PCDHGA1: variants seen among roughly 807,000 people sequenced by gnomAD.
PCDHGA1 encodes the protein protocadherin gamma-A1.
A neutral mutation model predicts 58.0 loss-of-function variants in PCDHGA1; 32 were observed. The ratio of observed to expected loss-of-function variants is 0.55; its 90% confidence interval spans 0.42 to 0.74. The LOEUF is 0.74. PCDHGA1 is among the 30% of genes least tolerant of loss of function. PCDHGA1 has a pLI of 0.00. For missense variants in PCDHGA1, 1,205 were observed against 1,182.3 expected (o/e 1.02, Z -0.28); for synonymous variants, 498 against 501.1 (o/e 0.99, Z 0.08).
intron 1 of PCDHGA1, chr5:141,399,936 C>A (rs1370105984): frequency 6.2e-7 from 1 of 1,612,268 alleles, no homozygotes; most frequent in African/African-American, 1.3e-5. Flanking sequence ...TGTCCTACCA[C>A]GTGCTGCAGG....
At chr5:141,427,259 G>A (rs1365845158) in intron 1 of PCDHGA1, 1 of 456,756 alleles carries the variant, frequency 2.2e-6, no homozygotes, top group Non-Finnish European at 4.4e-6. Flanking sequence ...GTGGAGGCAT[G>A]ACCAGCGAAT....
Position 141,475,143 on chromosome 5 carries a change from T to TC in PCDHGA1, c.2422-19662dup, listed in dbSNP as rs372338581. On this transcript the variant is annotated intron_variant, in intron 1 of 3. Transcript: ENST00000517417. ...GGCTTTTTTTCTTTTTGAAATCTTC[T>TC]CCGTCTTCTTCTTCATTAGCAGTGC... Among the ~76,000 whole-genome samples the TC allele has an allele frequency of 4.9e-3, 751 of 152,356 alleles. 5 individuals carry two copies. Among genetic ancestry groups the TC allele is most frequent in the Non-Finnish European group, 6.5e-3 (439 of 68,034 alleles).
intron 3 of PCDHGA1, among the ~76,000 whole-genome samples, chr5:141,506,598 G>A (rs1056005258): frequency 6.6e-6 from 1 of 152,130 alleles, no homozygotes; most frequent in Non-Finnish European, 1.5e-5. Context: ...CAGTATTAAC[G>A]GATCTCATTG....
At chr5:141,375,949 C>T (rs759212599) in intron 1 of PCDHGA1, 36 of 1,613,450 alleles carry the variant, frequency 2.2e-5, no homozygotes, top group African/African-American at 2.7e-5. Flanking sequence ...TGGGCCTGCA[C>T]ACGGGCGAGG....
intron 1 of PCDHGA1, among the ~76,000 whole-genome samples, chr5:141,434,479 A>C (rs2097696849): frequency 6.6e-6 from 1 of 152,202 alleles, no homozygotes; most frequent in African/African-American, 2.4e-5. Flanking sequence ...AGGGCAAGGA[A>C]CACCTGGCCC....
rs1485520054 is a variant in PCDHGA1 at position 141,511,210 on chromosome 5, C to T, written c.*37C>T. 6.2e-7 allele frequency: 1 copy of T among 1,609,328 alleles called. No individual in the cohort carries two copies. The highest frequency in any genetic ancestry group is 1.3e-5 in the African/African-American group (1 of 74,896). ...GGCCAAGAGCCACAGGGCGGCCTCT[C>T]CCCAACCAGCCCAGCTTCTCCTTAC... On this transcript the variant is annotated 3_prime_UTR_variant, in exon 4 of 4. Transcript: ENST00000517417.
At chr5:141,343,528 CTG>C (rs1757295207) in intron 1 of PCDHGA1, among the ~76,000 whole-genome samples, 1 of 152,184 alleles carries the variant, frequency 6.6e-6, no homozygotes, top group South Asian at 2.1e-4. Context: ...TTCTTTGTTA[CTG>C]TGTGTTTCTT....
chr5:141,366,267 T>A (rs201030376), intron 1 of PCDHGA1: 49 of 1,613,514 alleles, frequency 3.0e-5, no homozygotes, highest in Non-Finnish European at 3.9e-5. Context: ...GTGGTGGCCG[T>A]CGAAGACCAT....
intron 1 of PCDHGA1, chr5:141,400,610 T>C (rs1561677991): frequency 3.2e-6 from 5 of 1,573,090 alleles, no homozygotes; most frequent in Non-Finnish European, 4.4e-6. Flanking sequence ...TCAAGTCCAA[T>C]GAGTTGTCTT....
intron 1 of PCDHGA1, chr5:141,345,523 A>AG (rs1404226327): frequency 6.2e-7 from 1 of 1,614,090 alleles, no homozygotes; most frequent in Non-Finnish European, 8.5e-7. Context: ...GACACTCTCC[A>AG]GGGGGCGCCC....
At position 141,389,973 on chromosome 5, in the gene PCDHGA1, A is replaced by C. The variant is rs375422602; in HGVS notation, c.2421+56868A>C. On this transcript the variant is annotated intron_variant, in intron 1 of 3. Coordinates refer to ENST00000517417, the MANE Select transcript of PCDHGA1 (RefSeq NM_018912.3). Reference sequence around the variant, plus strand: ...TTACCTAGTGGTGGCCTTGGCCTTGATCTCAGTGCTCTTCCTCGTGGCCAT... The same window carrying C: ...TTACCTAGTGGTGGCCTTGGCCTTGCTCTCAGTGCTCTTCCTCGTGGCCAT... 82 of 1,613,684 alleles carry C rather than the reference A, an allele frequency of 5.1e-5. No homozygotes were observed. The highest frequency in any genetic ancestry group is 6.5e-5 in the Non-Finnish European group (77 of 1,179,850).
intron 1 of PCDHGA1, chr5:141,423,652 A>G (rs746768292): frequency 1.9e-6 from 3 of 1,583,268 alleles, no homozygotes; most frequent in Non-Finnish European, 2.6e-6. Flanking sequence ...TGACCCGACA[A>G]GTAATCAGGT....
chr5:141,374,301 A>T, intron 1 of PCDHGA1: 1 of 1,613,996 alleles, frequency 6.2e-7, no homozygotes, highest in Non-Finnish European at 8.5e-7. Flanking sequence ...GGTAGGATGC[A>T]GCTTTTCTCT....
At chr5:141,462,503 A>G (rs1338834436) in intron 1 of PCDHGA1, among the ~76,000 whole-genome samples, 1 of 152,060 alleles carries the variant, frequency 6.6e-6, no homozygotes, top group East Asian at 1.9e-4. Context: ...ATAATTGTCA[A>G]CTAGATCAAG....
chr5:141,389,331 G>A (rs1212558688), intron 1 of PCDHGA1: 15 of 1,613,986 alleles, frequency 9.3e-6, no homozygotes, highest in Middle Eastern at 1.6e-4. Context: ...GGGGCCCAAC[G>A]GCCAAGTCTC....
intron 1 of PCDHGA1, chr5:141,392,843 C>T (rs77141792): frequency 0.027 from 43,247 of 1,608,962 alleles, 854 homozygotes; most frequent in African/African-American, 0.093. Context: ...GCCCCAGACG[C>T]GGCGAGCTGA....
chr5:141,489,112 A>C lies in PCDHGA1; in HGVS notation c.2422-5695A>C. 3 of 412,420 alleles carry C rather than the reference A, an allele frequency of 7.3e-6. No individual in the cohort carries two copies. Among genetic ancestry groups the C allele is most frequent in the South Asian group, 4.2e-5 (1 of 23,838 alleles). The allele number at this position is 412,420 out of a possible 1,614,324, so 25.5% of individuals were successfully genotyped here. ...TGACTAAGAACTGCTGCAAGCAGGC[A>C]AACCTCCGAGCAGTTTTTAAGAGGC... is the stretch of plus-strand genomic sequence containing the variant. On this transcript the variant is annotated intron_variant, in intron 1 of 3. Coordinates refer to ENST00000517417, the MANE Select transcript of PCDHGA1 (RefSeq NM_018912.3). The surrounding 1 kb of genome is among the most constrained non-coding windows in gnomAD (Gnocchi z 4.5).
rs765423267 is a variant in PCDHGA1, at chr5:141,332,218, G to T, written c.1534G>T (p.Gly512Trp). Residue 512 changes from glycine to tryptophan, a missense_variant, in exon 1 of 4, where the codon GGG (glycine) becomes TGG (tryptophan). Coordinates refer to ENST00000517417, the MANE Select transcript of PCDHGA1 (RefSeq NM_018912.3). The surrounding 1 kb of genome is among the most constrained non-coding windows in gnomAD (Gnocchi z 4.6). ...SAYLSINSDTGVLYALRSFDY... is the reference protein window; with the variant it reads ...SAYLSINSDTWVLYALRSFDY... The stretch of plus-strand genomic sequence containing the variant: ...CTACCTCTCCATCAACTCCGACACT[G>T]GGGTCCTGTATGCGCTGCGATCCTT... 2.5e-6 allele frequency: 4 copies of T among 1,614,194 alleles called. No individual in the cohort carries two copies. In the East Asian group the frequency reaches 8.9e-5, roughly 36 times the overall value.
At chr5:141,368,749 A>T (rs1765836759) in intron 1 of PCDHGA1, among the ~76,000 whole-genome samples, 1 of 152,194 alleles carries the variant, frequency 6.6e-6, no homozygotes. Flanking sequence ...ATACTTTTAA[A>T]TATCTGAATC....
Sources: allele counts gnomAD v4.1 joint callset (sites outside exome capture counted in the v4.1 genomes callset), GRCh38; gene constraint gnomAD v4.1.1; non-coding constraint Gnocchi (gnomAD v3.1); transcripts MANE v1.5; gene names NCBI Gene and HGNC (gene_info 2026-07-23, HGNC 2026-07-21).